The following ANO1 variants were observed in gnomAD, a reference collection of about 807,000 sequenced individuals.
ANO1 encodes the protein anoctamin 1.
A neutral mutation model predicts 124.0 loss-of-function variants in ANO1; 59 were observed. The observed-to-expected ratio is 0.48, with a 90% CI of 0.39 to 0.59. ANO1 has a LOEUF of 0.59. Ranked by LOEUF, ANO1 falls within the 20% of genes least tolerant of loss-of-function variation. The probability of loss-of-function intolerance (pLI) is 0.00; values close to 1 mark genes in which losing one functional copy is unlikely to be tolerated. For synonymous variants in ANO1, 529 were observed against 532.0 expected, an observed-to-expected ratio of 0.99 and a Z score of 0.08; for missense variants, 1,059 against 1,328.0, an observed-to-expected ratio of 0.80 and a Z score of 3.15.
chr11:70,126,144 G>A lies in ANO1; in HGVS notation c.1046G>A (p.Gly349Glu). Reference sequence around the variant, plus strand: ...ATGCTCATCCCTGCCTCCATCGTGGGAATCATTGTCTTCCTGTACGGATGC... The same window carrying A: ...ATGCTCATCCCTGCCTCCATCGTGGAAATCATTGTCTTCCTGTACGGATGC... ...TQMLIPASIV[G>E]IIVFLYGCAT... The change falls in exon 10 of 26, where the codon GGA becomes GAA. Residue 349 changes from glycine (G) to glutamate (E), a missense_variant. This residue lies in a region of ANO1 where 809 missense variants were observed against 1,094.9 expected (regional missense o/e 0.74). Transcript: ENST00000355303. 1 of 1,613,718 alleles carries A rather than the reference G, an allele frequency of 6.2e-7. No homozygotes were observed.
intron 1 of ANO1, among the ~76,000 whole-genome samples, chr11:70,001,160 G>A (rs1400270123): frequency 1.3e-5 from 2 of 152,188 alleles, no homozygotes; most frequent in African/African-American, 4.8e-5. Context: ...GCAGAGCCAT[G>A]GCCAGAGGCC....
At chr11:70,029,396 A>T (rs1555003566) in intron 1 of ANO1, among the ~76,000 whole-genome samples, 3 of 152,206 alleles carry the variant, frequency 2.0e-5, no homozygotes. Flanking sequence ...CACTCGGCTC[A>T]TTTGCTTCAA....
At chr11:70,067,838 C>A (rs1310058184) in intron 1 of ANO1, among the ~76,000 whole-genome samples, 1 of 152,208 alleles carries the variant, frequency 6.6e-6, no homozygotes, top group Non-Finnish European at 1.5e-5. Context: ...AGCTGAGAAG[C>A]CACTCCCTGT....
intron 11 of ANO1, among the ~76,000 whole-genome samples, chr11:70,136,416 G>C (rs747675349): frequency 9.9e-5 from 15 of 152,212 alleles, no homozygotes; most frequent in Non-Finnish European, 1.8e-4. Context: ...CTGAGAGTGA[G>C]TGTCGTGGGA....
intron 1 of ANO1, among the ~76,000 whole-genome samples, chr11:69,989,785 G>C (rs1227579485): frequency 6.6e-6 from 1 of 152,100 alleles, no homozygotes; most frequent in Non-Finnish European, 1.5e-5. Context: ...GGGTGACCCT[G>C]GGTCTATTTT....
At chr11:70,180,172 C>CTGGGGCTGCA in intron 23 of ANO1, 116 bp downstream of exon 23, 1 of 949,038 alleles carries the variant, frequency 1.1e-6, no homozygotes, top group Non-Finnish European at 1.7e-6. Flanking sequence ...ATGGTGCAGC[C>CTGGGGCTGCA]CCAGGCTGCC....
chr11:70,117,981 G>A (rs984078106), intron 8 of ANO1, among the ~76,000 whole-genome samples: 8 of 152,110 alleles, frequency 5.3e-5, no homozygotes, highest in Non-Finnish European at 8.8e-5. Flanking sequence ...CAGAACTCCC[G>A]ACTCCAATCC....
At chr11:69,973,729 G>A in the ANO1 span, among the ~76,000 whole-genome samples, 17 of 150,924 alleles carry the variant, frequency 1.1e-4, no homozygotes, top group African/African-American at 9.7e-5. Flanking sequence ...AAAATTAGCC[G>A]GGCGTGGTGG....
At chr11:70,052,329 GATAATAT>G (rs1325840287) in intron 1 of ANO1, among the ~76,000 whole-genome samples, 51 of 152,232 alleles carry the variant, frequency 3.4e-4, no homozygotes, top group African/African-American at 1.1e-3. Context: ...ATGAATATCA[GATAATAT>G]ATGTCCTCTG....
chr11:70,117,100 CTTTTTTTTT>C (rs756764991), intron 8 of ANO1, among the ~76,000 whole-genome samples: 3 of 61,552 alleles, frequency 4.9e-5, no homozygotes, highest in Non-Finnish European at 9.5e-5. Flanking sequence ...TTGTTTCTTT[CTTTTTTTTT>C]TTTTTTTTTT....
At chr11:70,007,130 G>C (rs1856506964) in intron 1 of ANO1, among the ~76,000 whole-genome samples, 1 of 152,064 alleles carries the variant, frequency 6.6e-6, no homozygotes, top group Non-Finnish European at 1.5e-5. Flanking sequence ...TTTACTTTCT[G>C]TTTCTGAGAG....
the ANO1 span, among the ~76,000 whole-genome samples, chr11:69,977,288 A>T: frequency 2.8e-4 from 42 of 152,206 alleles, 1 homozygote; most frequent in Admixed American, 2.5e-3. Context: ...GGTCCCAGCC[A>T]CCACACTCAA....
At chr11:70,110,653 G>A (rs745656564) in intron 6 of ANO1, among the ~76,000 whole-genome samples, 5 of 152,018 alleles carry the variant, frequency 3.3e-5, no homozygotes, top group South Asian at 2.1e-4. Flanking sequence ...TTTTCCCGCC[G>A]CTATCAGGTG....
rs1036780281 is a variant in ANO1 at position 70,187,895 on chromosome 11, A to C, written c.2852A>C (p.Lys951Thr). 1.2e-6 allele frequency: 2 copies of C among 1,600,406 alleles called. No homozygotes were observed. The change falls in exon 26 of 26, where the codon AAG becomes ACG. Residue 951 changes from lysine to threonine, a missense_variant. Physicochemically the swap from Lys to Thr is moderately conservative, Grantham distance 78. Transcript: ENST00000355303. ...KQQLLETWMEKERQKDEPPCN... is the reference protein window; with the variant it reads ...KQQLLETWMETERQKDEPPCN... ...CAGCTGCTGGAAACCTGGATGGAGA[A>C]GGAGCGGCAGAAGGACGAGCCGCCG...
intron 3 of ANO1, among the ~76,000 whole-genome samples, chr11:70,103,755 A>G (rs1473646167): frequency 6.6e-6 from 1 of 152,144 alleles, no homozygotes; most frequent in Admixed American, 6.5e-5. Flanking sequence ...AAGCAAAAGT[A>G]AAGTTTAGCG....
chr11:69,996,959 T>G (rs1384601235), intron 1 of ANO1, among the ~76,000 whole-genome samples: 2 of 152,088 alleles, frequency 1.3e-5, no homozygotes, highest in African/African-American at 2.4e-5. Flanking sequence ...TCCCAGGGTG[T>G]GGGGTGATGT....
intron 1 of ANO1, among the ~76,000 whole-genome samples, chr11:70,080,705 C>T (rs1392428411): frequency 6.6e-6 from 1 of 152,234 alleles, no homozygotes; most frequent in East Asian, 1.9e-4. Context: ...CCAGATGAGA[C>T]CATCAGCTCC....
chr11:70,098,189 C>T (rs1455246347), intron 2 of ANO1, among the ~76,000 whole-genome samples: 3 of 152,182 alleles, frequency 2.0e-5, no homozygotes, highest in Non-Finnish European at 2.9e-5. Flanking sequence ...TGGGGCCACA[C>T]GGCTCCCCGC....
rs56702157 is a variant in ANO1 at position 70,176,156 on chromosome 11, C to CT, written c.2351-3831dup. ...GATTATGGGTATATATATATATACA[C>CT]TTTTTTTTTTTTTTTTTGGAGACAA... On this transcript the variant is annotated intron_variant, in intron 22 of 25. Coordinates refer to ENST00000355303, the MANE Select transcript of ANO1 (RefSeq NM_018043.7). Among the ~76,000 whole-genome samples, 84 of 124,408 alleles carry CT rather than the reference C, an allele frequency of 6.8e-4. 1 individual carries two copies. Among genetic ancestry groups the CT allele is most frequent in the South Asian group, 5.7e-3 (22 of 3,878 alleles). The allele number at this position is 124,408 out of a possible 152,430, so 81.6% of individuals were successfully genotyped here.
Sources: allele counts gnomAD v4.1 joint callset (sites outside exome capture counted in the v4.1 genomes callset), GRCh38; gene constraint gnomAD v4.1.1; regional missense constraint gnomAD v4.1.1; transcripts MANE v1.5; gene names NCBI Gene and HGNC (gene_info 2026-07-23, HGNC 2026-07-21).